RALGPS1: variants seen among roughly 807,000 people sequenced by gnomAD.
The protein encoded by RALGPS1 is Ral GEF with PH domain and SH3 binding motif 1, also known as ras-specific guanine nucleotide-releasing factor RalGPS1.
RALGPS1 carries 19 observed loss-of-function variants against 78.8 expected under a neutral mutation model. The ratio of observed to expected loss-of-function variants is 0.24; its 90% CI spans 0.17 to 0.35. RALGPS1 has a LOEUF of 0.35. RALGPS1 is among the 10% of genes least tolerant of loss of function. The pLI, the probability that RALGPS1 is intolerant of heterozygous loss-of-function variation, is 1.00. For synonymous variants in RALGPS1, 228 were observed against 256.3 expected (o/e 0.89, Z 1.06); for missense variants, 454 against 688.3 (o/e 0.66, Z 3.81).
intron 8 of RALGPS1, among the ~76,000 whole-genome samples, chr9:127,101,407 C>G (rs541950060): frequency 3.9e-5 from 6 of 152,330 alleles, no homozygotes; most frequent in African/African-American, 1.2e-4. Flanking sequence ...CTGTGGGCTC[C>G]TTTCAGGCAG....
chr9:127,086,782 C>T (rs560638281), intron 8 of RALGPS1, among the ~76,000 whole-genome samples: 2 of 152,222 alleles, frequency 1.3e-5, no homozygotes, highest in African/African-American at 2.4e-5. Context: ...GAATCACTTC[C>T]CAACCCACAG....
chr9:127,190,218 T>C (rs1381675484), intron 11 of RALGPS1, among the ~76,000 whole-genome samples: 1 of 152,260 alleles, frequency 6.6e-6, no homozygotes, highest in Non-Finnish European at 1.5e-5. Flanking sequence ...TGTAAACATA[T>C]ATACTGTTGT....
At position 126,958,139 on chromosome 9, in the gene RALGPS1, A is replaced by AT. The variant is rs1354647464; in HGVS notation, c.-65-4086_-65-4085insT. 3.6e-3 allele frequency among the ~76,000 whole-genome samples: 336 copies of AT among 93,956 alleles called. 3 individuals are homozygous for AT. The highest frequency in any genetic ancestry group is 9.5e-3 in the African/African-American group (312 of 32,982). The allele number at this position is 93,956 out of a possible 152,430, so 61.6% of individuals were successfully genotyped here. A position where few individuals can be genotyped will look rare whatever the true frequency, so the allele number is the denominator to read the frequency against. On this transcript the variant is annotated intron_variant, in intron 1 of 18. Transcript: ENST00000259351. ...GAGCTGTCTCTTTAAAAAAAAAAAA[A>AT]AAAATATATATATATATATACACAC...
intron 1 of RALGPS1, among the ~76,000 whole-genome samples, chr9:126,921,865 C>T (rs1005695307): frequency 1.3e-5 from 2 of 152,218 alleles, no homozygotes; most frequent in African/African-American, 4.8e-5. Flanking sequence ...GAATAGTGTC[C>T]TCTTTTCACC....
chr9:127,062,958 T>G (rs189939383), intron 7 of RALGPS1, among the ~76,000 whole-genome samples: 1 of 152,370 alleles, frequency 6.6e-6, no homozygotes, highest in East Asian at 1.9e-4. Context: ...GCTGAATCCA[T>G]TGGTCCATAG....
chr9:126,942,828 C>T (rs749770319), intron 1 of RALGPS1, among the ~76,000 whole-genome samples: 1 of 152,012 alleles, frequency 6.6e-6, no homozygotes, highest in Non-Finnish European at 1.5e-5. Context: ...AGTGAAATGT[C>T]TCTCCTTTGA....
At chr9:127,174,049 CAA>C (rs1428164119) in intron 10 of RALGPS1, among the ~76,000 whole-genome samples, 5 of 151,872 alleles carry the variant, frequency 3.3e-5, no homozygotes, top group Non-Finnish European at 7.4e-5. Context: ...ATCATAAGGT[CAA>C]GAGATTGAGA....
intron 4 of RALGPS1, among the ~76,000 whole-genome samples, chr9:127,013,503 C>G (rs904587419): frequency 6.6e-6 from 1 of 152,154 alleles, no homozygotes; most frequent in African/African-American, 2.4e-5. Flanking sequence ...CTCCCACAGT[C>G]TCTGCTCCCA....
At chr9:127,110,959 T>C (rs1387115019) in intron 8 of RALGPS1, among the ~76,000 whole-genome samples, 3 of 152,066 alleles carry the variant, frequency 2.0e-5, no homozygotes, top group African/African-American at 7.2e-5. Flanking sequence ...GTGGTCCTTT[T>C]TAAAAAGTCA....
At chr9:127,087,017 A>T (rs1486809679) in intron 8 of RALGPS1, among the ~76,000 whole-genome samples, 1 of 152,188 alleles carries the variant, frequency 6.6e-6, no homozygotes, top group African/African-American at 2.4e-5. Context: ...ACCTGGTGCC[A>T]TTTGGTGAAA....
At chr9:126,926,243 G>A (rs1425071366) in intron 1 of RALGPS1, among the ~76,000 whole-genome samples, 1 of 152,188 alleles carries the variant, frequency 6.6e-6, no homozygotes, top group African/African-American at 2.4e-5. Context: ...CATTTACTAA[G>A]CATGTAATAG....
intron 1 of RALGPS1, among the ~76,000 whole-genome samples, chr9:126,958,158 TACAC>T (rs60776038): frequency 0.13 from 15,612 of 120,630 alleles, 1,876 homozygotes; most frequent in East Asian, 0.41. Flanking sequence ...TATATATATA[TACAC>T]ACACACACAC....
At chr9:126,964,424 C>T (rs564949214) in intron 2 of RALGPS1, among the ~76,000 whole-genome samples, 1 of 151,310 alleles carries the variant, frequency 6.6e-6, no homozygotes, top group African/African-American at 2.4e-5. Flanking sequence ...CTTGAATCAG[C>T]CCTCCTGGGG....
intron 5 of RALGPS1, among the ~76,000 whole-genome samples, chr9:127,035,227 G>A (rs189298781): frequency 6.6e-6 from 1 of 152,286 alleles, no homozygotes; most frequent in Admixed American, 6.5e-5. Flanking sequence ...TAGATGAGGT[G>A]CTCAGGAAGT....
At chr9:127,159,309 T>C (rs548748552) in intron 8 of RALGPS1, among the ~76,000 whole-genome samples, 3 of 152,172 alleles carry the variant, frequency 2.0e-5, no homozygotes, top group African/African-American at 4.8e-5. Flanking sequence ...GGATCTATAG[T>C]TGTGTCCTCA....
chr9:126,941,156 C>T (rs1329664990), intron 1 of RALGPS1, among the ~76,000 whole-genome samples: 6 of 144,638 alleles, frequency 4.1e-5, no homozygotes, highest in African/African-American at 7.4e-5. Flanking sequence ...ATTATGACTT[C>T]GTCTAGTTGT....
chr9:127,191,032 C>T (rs2060999259), intron 11 of RALGPS1, among the ~76,000 whole-genome samples: 2 of 152,184 alleles, frequency 1.3e-5, no homozygotes, highest in Admixed American at 1.3e-4. Context: ...TTTGGAGACT[C>T]TGTTCCTTGA....
chr9:126,926,708 T>C (rs1191872280), intron 1 of RALGPS1, among the ~76,000 whole-genome samples: 1 of 151,942 alleles, frequency 6.6e-6, no homozygotes, highest in African/African-American at 2.4e-5. Context: ...TGGAGGATGA[T>C]GGTGTGAAAG....
chr9:126,998,065 C>T (rs1397235593), intron 4 of RALGPS1, among the ~76,000 whole-genome samples: 2 of 152,124 alleles, frequency 1.3e-5, no homozygotes, highest in Non-Finnish European at 2.9e-5. Flanking sequence ...ACCATAAAAA[C>T]CCTAGAAGAA....
Sources: allele counts gnomAD v4.1 joint callset (sites outside exome capture counted in the v4.1 genomes callset), GRCh38; gene constraint gnomAD v4.1.1; transcripts MANE v1.5; gene names NCBI Gene and HGNC (gene_info 2026-07-23, HGNC 2026-07-21).